AIG1: variants seen among roughly 807,000 people sequenced by gnomAD.
The protein encoded by AIG1 is androgen induced 1.
In AIG1, 23 loss-of-function variants were observed where a neutral mutation model predicts 31.4. The observed-to-expected ratio is 0.73, with a 90% CI of 0.53 to 1.04. The LOEUF (loss-of-function observed/expected upper bound fraction) is 1.04. Ranked by LOEUF, AIG1 falls within the 50% of genes least tolerant of loss-of-function variation. The probability of loss-of-function intolerance (pLI) is 0.00; values close to 1 mark genes in which losing one functional copy is unlikely to be tolerated. For synonymous variants in AIG1, 100 were observed against 110.5 expected (o/e 0.90, Z 0.60); for missense variants, 274 against 295.0 (o/e 0.93, Z 0.52).
At chr6:143,147,386 G>A (rs1179329202) in intron 2 of AIG1, among the ~76,000 whole-genome samples, 1 of 152,114 alleles carries the variant, frequency 6.6e-6, no homozygotes, top group Non-Finnish European at 1.5e-5. Context: ...GGCATGATGG[G>A]AGAGGAATTT....
intron 3 of AIG1, among the ~76,000 whole-genome samples, chr6:143,201,508 A>G (rs371303391): frequency 6.6e-6 from 1 of 152,208 alleles, no homozygotes; most frequent in Non-Finnish European, 1.5e-5. Context: ...ATTGTGGGCT[A>G]CTTATACTAA....
At position 143,137,081 on chromosome 6, in the gene AIG1, G is replaced by A. The variant is rs1279088325; in HGVS notation, c.297+91G>A. ...GAAAAAAAAAGAGTTCATTATAAGA[G>A]GTTTCTGTATTATTAGTTTGCTGGA... On this transcript the variant is annotated intron_variant, in intron 2 of 5. Coordinates refer to ENST00000357847, the MANE Select transcript of AIG1 (RefSeq NM_016108.4). 4 of 1,275,348 alleles carry A rather than the reference G, an allele frequency of 3.1e-6. No homozygotes were observed. The African/African-American group carries it at 6.1e-5, about 19-fold the overall frequency. 79.0% of individuals were successfully genotyped at this position (1,275,348 alleles called of 1,614,324 possible). A position where few individuals can be genotyped will look rare whatever the true frequency, so the allele number is the denominator to read the frequency against.
chr6:143,073,240 A>G (rs1777453753), intron 1 of AIG1, among the ~76,000 whole-genome samples: 1 of 152,212 alleles, frequency 6.6e-6, no homozygotes, highest in Non-Finnish European at 1.5e-5. Flanking sequence ...GTATGTATAT[A>G]TACACTGCAG....
rs188983022 is a variant in AIG1, at chr6:143,325,207, C to T, written c.516-8075C>T. Among the ~76,000 whole-genome samples, 13 of 152,316 alleles carry T rather than the reference C, an allele frequency of 8.5e-5. No individual in the cohort carries two copies. The East Asian group carries it at 2.1e-3, about 25-fold the overall frequency. On this transcript the variant is annotated intron_variant, in intron 4 of 5. Coordinates refer to ENST00000357847, the MANE Select transcript of AIG1 (RefSeq NM_016108.4). The surrounding 1 kb of genome is among the most constrained non-coding windows in gnomAD (Gnocchi z 4.3). ...CATCACACTTTTCTATTTTGCTTCC[C>T]TGTTACTAGCCCATCTTTCTTGATC...
intron 1 of AIG1, among the ~76,000 whole-genome samples, chr6:143,116,947 A>C (rs895594301): frequency 6.6e-6 from 1 of 151,984 alleles, no homozygotes; most frequent in Non-Finnish European, 1.5e-5. Context: ...ATAGGACAGT[A>C]TGGGGGCTCA....
intron 3 of AIG1, among the ~76,000 whole-genome samples, chr6:143,276,197 T>C (rs1197411410): frequency 2.0e-5 from 3 of 152,256 alleles, no homozygotes; most frequent in Non-Finnish European, 4.4e-5. Context: ...TAGTTGCTCT[T>C]AATTGCAACG....
At chr6:143,262,886 T>C (rs565680175) in intron 3 of AIG1, among the ~76,000 whole-genome samples, 3 of 152,166 alleles carry the variant, frequency 2.0e-5, no homozygotes, top group African/African-American at 7.2e-5. Context: ...TGCGTTGTTA[T>C]TGCAATGCTT....
At chr6:143,059,696 T>C (rs563628052), upstream of AIG1, among the ~76,000 whole-genome samples, 1 of 152,352 alleles carries the variant, frequency 6.6e-6, no homozygotes, top group South Asian at 2.1e-4. Flanking sequence ...TGCTTGCTAC[T>C]TTCTCTTTAC....
chr6:143,126,550 G>C (rs73590478), intron 1 of AIG1, among the ~76,000 whole-genome samples: 1 of 152,180 alleles, frequency 6.6e-6, no homozygotes, highest in South Asian at 2.1e-4. Flanking sequence ...CTTGAAGATG[G>C]TGTTTTATAG....
intron 2 of AIG1, among the ~76,000 whole-genome samples, chr6:143,154,450 G>C (rs1322677012): frequency 1.3e-5 from 2 of 152,056 alleles, no homozygotes; most frequent in Non-Finnish European, 2.9e-5. Context: ...TGTGGGGAGG[G>C]TGTGACTATC....
chr6:143,194,738 C>T (rs998781469), intron 3 of AIG1, among the ~76,000 whole-genome samples: 1 of 152,184 alleles, frequency 6.6e-6, no homozygotes, highest in African/African-American at 2.4e-5. Context: ...CTTGATGTCT[C>T]CACGTCACGG....
At chr6:143,234,010 G>A (rs905582655) in intron 3 of AIG1, among the ~76,000 whole-genome samples, 1 of 152,198 alleles carries the variant, frequency 6.6e-6, no homozygotes, top group African/African-American at 2.4e-5. Context: ...TGTACTTTGG[G>A]TGAGATGCCG....
intron 2 of AIG1, among the ~76,000 whole-genome samples, chr6:143,155,359 A>C (rs1353104190): frequency 6.6e-6 from 1 of 152,112 alleles, no homozygotes; most frequent in East Asian, 1.9e-4. Flanking sequence ...GGGGGCCCAA[A>C]GCTGGGGCAG....
chr6:143,272,995 G>A (rs1422012469), intron 3 of AIG1, among the ~76,000 whole-genome samples: 1 of 152,180 alleles, frequency 6.6e-6, no homozygotes, highest in South Asian at 2.1e-4. Flanking sequence ...TGGGCATCGT[G>A]ATCGGCACCT....
In AIG1 at chr6:143,279,024, G is replaced by A. The variant is rs1040332332; in HGVS notation, c.400-5086G>A. On this transcript the variant is annotated intron_variant, in intron 3 of 5. Coordinates refer to ENST00000357847, the MANE Select transcript of AIG1 (RefSeq NM_016108.4). The surrounding 1 kb of genome is among the most constrained non-coding windows in gnomAD (Gnocchi z 5.4). Reference sequence around the variant, plus strand: ...AAAAAAAAAATCAAGTAGCATGAACGGGGCCACAGTATGGCTTTTGTAGAT... The same window carrying A: ...AAAAAAAAAATCAAGTAGCATGAACAGGGCCACAGTATGGCTTTTGTAGAT... Among the ~76,000 whole-genome samples, 7 of 152,050 alleles carry A rather than the reference G, an allele frequency of 4.6e-5. No individual in the cohort carries two copies. The highest frequency in any genetic ancestry group is 2.1e-4 in the South Asian group (1 of 4,826).
chr6:143,218,157 A>G (rs1433083348), intron 3 of AIG1, among the ~76,000 whole-genome samples: 2 of 152,256 alleles, frequency 1.3e-5, no homozygotes, highest in African/African-American at 4.8e-5. Context: ...CTGACTGTTA[A>G]TATTGTCCTC....
At chr6:143,149,916 C>G (rs1013340032) in intron 2 of AIG1, among the ~76,000 whole-genome samples, 2 of 152,194 alleles carry the variant, frequency 1.3e-5, no homozygotes, top group South Asian at 4.1e-4. Context: ...AGTATATCAT[C>G]TGTGAATCAT....
At chr6:143,201,953 C>G (rs1790729294) in intron 3 of AIG1, among the ~76,000 whole-genome samples, 1 of 152,128 alleles carries the variant, frequency 6.6e-6, no homozygotes, top group Non-Finnish European at 1.5e-5. Flanking sequence ...ACAACGAACT[C>G]TGCTTGAGTA....
At chr6:143,289,774 A>G (rs996828376) in intron 4 of AIG1, among the ~76,000 whole-genome samples, 4 of 152,214 alleles carry the variant, frequency 2.6e-5, no homozygotes, top group Non-Finnish European at 1.5e-5. Context: ...AAACATAAAA[A>G]TAAGAGTGTA....
Sources: allele counts gnomAD v4.1 joint callset (sites outside exome capture counted in the v4.1 genomes callset), GRCh38; gene constraint gnomAD v4.1.1; non-coding constraint Gnocchi (gnomAD v3.1); transcripts MANE v1.5; gene names NCBI Gene and HGNC (gene_info 2026-07-23, HGNC 2026-07-21).